Variants in ODAD2 observed in about 807,000 individuals in gnomAD.
ODAD2 encodes outer dynein arm docking complex subunit 2.
ODAD2 carries 89 observed loss-of-function variants against 106.8 expected under a neutral mutation model. The ratio of observed to expected loss-of-function variants is 0.83; its 90% CI spans 0.70 to 0.99. The LOEUF is 0.99. Among genes scored for constraint, ODAD2 ranks in the 50% least tolerant of loss-of-function variants. The pLI is 0.00. For synonymous variants in ODAD2, 404 were observed against 436.2 expected, an observed-to-expected ratio of 0.93 and a Z score of 0.92; for missense variants, 1,168 against 1,238.5, an observed-to-expected ratio of 0.94 and a Z score of 0.85.
chr10:27,973,184 T>G (rs1848968539), intron 7 of ODAD2, among the ~76,000 whole-genome samples: 1 of 151,700 alleles, frequency 6.6e-6, no homozygotes, highest in South Asian at 2.1e-4. Flanking sequence ...ATAAAGAAAT[T>G]TGCAGCATGA....
chr10:27,903,359 AG>A (rs1843349908), intron 17 of ODAD2, among the ~76,000 whole-genome samples: 1 of 152,238 alleles, frequency 6.6e-6, no homozygotes, highest in Non-Finnish European at 1.5e-5. Context: ...AATGGGCAAA[AG>A]CTGTAAGCAT....
intron 19 of ODAD2, among the ~76,000 whole-genome samples, chr10:27,827,007 C>T (rs1187732242): frequency 2.0e-5 from 3 of 152,158 alleles, no homozygotes; most frequent in African/African-American, 7.2e-5. Context: ...CATTCGTAAT[C>T]GCTTTGCTAT....
At chr10:27,943,140 A>C (rs1333821172) in intron 12 of ODAD2, among the ~76,000 whole-genome samples, 1 of 152,244 alleles carries the variant, frequency 6.6e-6, no homozygotes, top group Non-Finnish European at 1.5e-5. Context: ...ATTGATCCTT[A>C]CTAAGAAAGT....
In ODAD2 at chr10:27,939,927, C is replaced by A; in HGVS notation, c.2067G>T (p.Leu689=). ...AAATGGCCATGGCGCAGTGCTCCTG[C>A]AGCTGCTCATTCTCACTATTTAGGT... is the stretch of plus-strand genomic sequence containing the variant. The part of the protein sequence containing the change: ...VKNLNSENEQ[L]QEHCAMAIYQ... Residue 689 remains leucine (L), a synonymous_variant, in exon 14 of 20, where the codon CTG becomes CTT. Transcript: ENST00000305242. 6.2e-7 allele frequency: 1 copy of A among 1,610,428 alleles called. No individual in the cohort carries two copies. The highest frequency in any genetic ancestry group is 2.2e-5 in the East Asian group (1 of 44,558).
intron 10 of ODAD2, among the ~76,000 whole-genome samples, chr10:27,952,451 C>T (rs1451142161): frequency 1.3e-5 from 2 of 151,678 alleles, no homozygotes; most frequent in Non-Finnish European, 2.9e-5. Flanking sequence ...AGGTTTGTTA[C>T]ATAGGTAAAC....
At position 27,812,479 on chromosome 10, in the gene ODAD2, A is replaced by T. The variant is rs1362553896; in HGVS notation, c.*33T>A. The stretch of plus-strand genomic sequence containing the variant: ...GGGAGTGACATGTCCTGTGTCATGT[A>T]GAATTTGATAGCTTGTAATGTCCAT... On this transcript the variant is annotated 3_prime_UTR_variant, in exon 20 of 20. Coordinates refer to ENST00000305242, the MANE Select transcript of ODAD2 (RefSeq NM_018076.5). The T allele has an allele frequency of 1.9e-6, 3 of 1,607,646 alleles. No individual in the cohort carries two copies. Among genetic ancestry groups the T allele is most frequent in the Non-Finnish European group, 2.6e-6 (3 of 1,176,018 alleles).
intron 10 of ODAD2, among the ~76,000 whole-genome samples, chr10:27,945,377 C>T (rs1278205659): frequency 2.0e-5 from 3 of 152,142 alleles, no homozygotes; most frequent in African/African-American, 7.2e-5. Flanking sequence ...ATAGGGAGAA[C>T]TCAGAGAAAA....
chr10:27,983,774 C>T, intron 6 of ODAD2, 69 bp downstream of exon 6: 1 of 1,441,212 alleles, frequency 6.9e-7, no homozygotes. Context: ...TTGGGACACA[C>T]CCTTGAGACA....
At chr10:27,982,573 T>G (rs1311112667) in intron 6 of ODAD2, among the ~76,000 whole-genome samples, 1 of 152,166 alleles carries the variant, frequency 6.6e-6, no homozygotes, top group Non-Finnish European at 1.5e-5. Flanking sequence ...CTCAGTGTCA[T>G]GCTAATAAGA....
At chr10:27,890,114 A>G (rs1358130208) in intron 17 of ODAD2, among the ~76,000 whole-genome samples, 2 of 152,228 alleles carry the variant, frequency 1.3e-5, no homozygotes, top group African/African-American at 2.4e-5. Context: ...AATGTGTGCA[A>G]TGAGGGAACC....
At position 27,885,553 on chromosome 10, in the gene ODAD2, TATAAATATAA is replaced by T. The variant is rs1224872853; in HGVS notation, c.2610+22100_2610+22109del. Among the ~76,000 whole-genome samples, 23 of 13,194 alleles carry T rather than the reference TATAAATATAA, an allele frequency of 1.7e-3. 1 individual carries two copies. The highest frequency in any genetic ancestry group is 3.2e-3 in the African/African-American group (11 of 3,416). The allele number at this position is 13,194 out of a possible 152,430, so 8.7% of individuals were successfully genotyped here. A position where few individuals can be genotyped will look rare whatever the true frequency, so the allele number is the denominator to read the frequency against. ...AAAAAAATATATATATATATAAATA[TATAAATATAA>T]ATATATATATATATAAATATATAAA... On this transcript the variant is annotated intron_variant, in intron 17 of 19. Transcript: ENST00000305242.
upstream of ODAD2, among the ~76,000 whole-genome samples, chr10:27,999,346 G>A (rs539263481): frequency 6.6e-6 from 1 of 152,174 alleles, no homozygotes; most frequent in South Asian, 2.1e-4. Context: ...TTTTTCCATA[G>A]GCTTCCAGAC....
intron 7 of ODAD2, among the ~76,000 whole-genome samples, chr10:27,981,141 G>T (rs1439598262): frequency 6.6e-6 from 1 of 152,070 alleles, no homozygotes; most frequent in Non-Finnish European, 1.5e-5. Flanking sequence ...AGAAATAGCA[G>T]ATCAGAGTTA....
intron 19 of ODAD2, among the ~76,000 whole-genome samples, chr10:27,853,741 T>C (rs1421699234): frequency 2.0e-5 from 3 of 152,180 alleles, no homozygotes; most frequent in South Asian, 2.1e-4. Context: ...ATAATTAGTA[T>C]CATAAAAAAG....
intron 19 of ODAD2, among the ~76,000 whole-genome samples, chr10:27,815,637 CCT>C (rs1399126608): frequency 6.6e-6 from 1 of 152,184 alleles, no homozygotes; most frequent in Non-Finnish European, 1.5e-5. Flanking sequence ...CCCTGCTTTT[CCT>C]CGTATCCATT....
At position 27,987,430 on chromosome 10, in the gene ODAD2, A is replaced by G. The variant is rs1397947289; in HGVS notation, c.338T>C (p.Ile113Thr). The change falls in exon 3 of 20, where the codon ATT becomes ACT. Residue 113 changes from isoleucine (I) to threonine (T), a missense_variant. This residue lies in a region of ODAD2 where 430 missense variants were observed against 452.2 expected (regional missense o/e 0.95). Transcript: ENST00000305242. The part of the protein sequence containing the change: ...SFGQLSRLLL[I>T]AKTGKLKEAQ... Reference sequence around the variant, plus strand: ...TTCCTTCAACTTCCCAGTTTTGGCAATAAGTAACAAGCGTGACAGCTGCCC... The same window carrying G: ...TTCCTTCAACTTCCCAGTTTTGGCAGTAAGTAACAAGCGTGACAGCTGCCC... 2 of 1,613,672 alleles carry G rather than the reference A, an allele frequency of 1.2e-6. No homozygotes were observed. Among genetic ancestry groups the G allele is most frequent in the African/African-American group, 2.7e-5 (2 of 74,938 alleles).
At chr10:27,879,600 T>C (rs1425175443) in intron 17 of ODAD2, among the ~76,000 whole-genome samples, 1 of 151,972 alleles carries the variant, frequency 6.6e-6, no homozygotes, top group East Asian at 1.9e-4. Flanking sequence ...CTTGAAACCA[T>C]AATTACAAGA....
Position 27,862,414 on chromosome 10 carries a change from C to T in ODAD2, c.2799+20G>A, listed in dbSNP as rs1367474337. ...ATCTCAGGACAATATGCATGTAAAA[C>T]AAAAAGATGTGTTACTTACTGTATT... is the stretch of plus-strand genomic sequence containing the variant. On this transcript the variant is annotated intron_variant, in intron 18 of 19. Transcript: ENST00000305242. The T allele has an allele frequency of 6.3e-7, 1 of 1,584,034 alleles. No individual in the cohort carries two copies. The highest frequency in any genetic ancestry group is 1.4e-5 in the African/African-American group (1 of 73,982).
intron 6 of ODAD2, among the ~76,000 whole-genome samples, chr10:27,982,288 A>G (rs7923373): frequency 0.03 from 4,582 of 152,228 alleles, 180 homozygotes; most frequent in African/African-American, 0.096. Context: ...TGTGTTTTAA[A>G]CTTTGTTGTA....
Sources: allele counts gnomAD v4.1 joint callset (sites outside exome capture counted in the v4.1 genomes callset), GRCh38; gene constraint gnomAD v4.1.1; regional missense constraint gnomAD v4.1.1; transcripts MANE v1.5; gene names NCBI Gene and HGNC (gene_info 2026-07-23, HGNC 2026-07-21).